The following ATXN7L1 variants were observed in gnomAD, a reference collection of about 807,000 sequenced individuals.
ATXN7L1 encodes the protein ataxin-7-like protein 1.
A neutral mutation model predicts 70.8 loss-of-function variants in ATXN7L1; 15 were observed. The observed-to-expected ratio is 0.21, with a 90% CI of 0.14 to 0.33. ATXN7L1 has a LOEUF of 0.33. Among genes scored for constraint, ATXN7L1 ranks in the 10% least tolerant of loss-of-function variants. The probability of loss-of-function intolerance (pLI) is 1.00; values close to 1 mark genes in which losing one functional copy is unlikely to be tolerated. For missense variants in ATXN7L1, 975 were observed against 1,097.1 expected, an observed-to-expected ratio of 0.89 and a Z score of 1.57; for synonymous variants, 440 against 445.1, an observed-to-expected ratio of 0.99 and a Z score of 0.14.
rs1333155478 is a variant in ATXN7L1 at position 105,810,629 on chromosome 7, T to C, written c.251-21921A>G. 3.3e-5 allele frequency among the ~76,000 whole-genome samples: 5 copies of C among 151,984 alleles called. No individual in the cohort carries two copies. In the East Asian group the frequency reaches 9.7e-4, roughly 29 times the overall value. ...ACAGAGGGAAGAGCTAGTGCAAAGG[T>C]CCAGAGAAGGGGAGAGCCTAGGACG... On this transcript the variant is annotated intron_variant, in intron 2 of 11. Transcript: ENST00000419735.
At chr7:105,791,029 C>A (rs1175969971) in intron 2 of ATXN7L1, among the ~76,000 whole-genome samples, 1 of 152,206 alleles carries the variant, frequency 6.6e-6, no homozygotes, top group Non-Finnish European at 1.5e-5. Flanking sequence ...AGGGAGGCCC[C>A]CAGGCTCTGT....
rs1490840587 is a variant in ATXN7L1 at position 105,614,232 on chromosome 7, T to G, written c.2102A>C (p.His701Pro). Reference protein sequence around the residue: ...AAPPYNSLSVHNSNNGVSPLS... With the variant: ...AAPPYNSLSVPNSNNGVSPLS... ...TGGGCTCACCCCATTGTTTGAGTTG[T>G]GCACAGACAGGCTGTTATAGGGAGG... The change falls in exon 10 of 12, where the codon CAC (histidine) becomes CCC (proline). Residue 701 changes from histidine (H) to proline (P), a missense_variant. This residue lies in a region of ATXN7L1 where 635 missense variants were observed against 699.4 expected (regional missense o/e 0.91). Coordinates refer to ENST00000419735, the MANE Select transcript of ATXN7L1 (RefSeq NM_020725.2). The surrounding 1 kb of genome is among the most constrained non-coding windows in gnomAD (Gnocchi z 4.3). 1 of 1,551,680 alleles carries G rather than the reference T, an allele frequency of 6.4e-7. No homozygotes were observed. The highest frequency in any genetic ancestry group is 1.4e-5 in the African/African-American group (1 of 73,140).
chr7:105,798,541 C>A (rs548566153), intron 2 of ATXN7L1, among the ~76,000 whole-genome samples: 4 of 152,348 alleles, frequency 2.6e-5, no homozygotes, highest in South Asian at 2.1e-4. Context: ...ACAGTGATGA[C>A]CTTGGTAGCC....
chr7:105,773,767 C>A (rs1802342283), intron 3 of ATXN7L1, among the ~76,000 whole-genome samples: 1 of 152,078 alleles, frequency 6.6e-6, no homozygotes, highest in African/African-American at 2.4e-5. Flanking sequence ...AAAAAAGAAA[C>A]CCCCTAACAA....
chr7:105,657,381 G>A (rs1330100382), intron 4 of ATXN7L1, among the ~76,000 whole-genome samples: 1 of 152,128 alleles, frequency 6.6e-6, no homozygotes, highest in Non-Finnish European at 1.5e-5. Context: ...AGATCCAGCA[G>A]CCACTAACCA....
At chr7:105,676,806 C>T (rs919397386) in intron 3 of ATXN7L1, among the ~76,000 whole-genome samples, 4 of 152,118 alleles carry the variant, frequency 2.6e-5, no homozygotes, top group African/African-American at 7.2e-5. Context: ...CGACACTGCA[C>T]TCCAGCCTGA....
In ATXN7L1 at chr7:105,778,525, A is replaced by C. The variant is rs73193816; in HGVS notation, c.355+10079T>G. Among the ~76,000 whole-genome samples the C allele has an allele frequency of 1.5e-4, 16 of 108,404 alleles. 1 individual carries two copies. The highest frequency in any genetic ancestry group is 2.8e-4 in the Admixed American group (3 of 10,882). 71.1% of individuals were successfully genotyped at this position (108,404 alleles called of 152,430 possible). On this transcript the variant is annotated intron_variant, in intron 3 of 11. Coordinates refer to ENST00000419735, the MANE Select transcript of ATXN7L1 (RefSeq NM_020725.2). Reference sequence around the variant, plus strand: ...GACCCTATCTCAAAAAAAAAAAAAAAAAAAAAAAAACAAAGACTAAATAAT... The same window carrying C: ...GACCCTATCTCAAAAAAAAAAAAAACAAAAAAAAAACAAAGACTAAATAAT...
In ATXN7L1 at chr7:105,624,094, T is replaced by C. The variant is rs1184346495; in HGVS notation, c.1376A>G (p.His459Arg). Reference protein sequence around the residue: ...SEKLDCQFSTHHPRPLAFCSF... With the variant: ...SEKLDCQFSTRHPRPLAFCSF... Reference sequence around the variant, plus strand: ...GCCTACCGCCAGAGGTCTGGGGTGGTGCGTGGAGAACTGACAGTCTAGCTT... The same window carrying C: ...GCCTACCGCCAGAGGTCTGGGGTGGCGCGTGGAGAACTGACAGTCTAGCTT... Residue 459 changes from histidine (H) to arginine (R), a missense_variant, in exon 8 of 12, where the codon CAC becomes CGC. Physicochemically the swap from His to Arg is conservative, Grantham distance 29 (BLOSUM62 0). Coordinates refer to ENST00000419735, the MANE Select transcript of ATXN7L1 (RefSeq NM_020725.2). 9.4e-6 allele frequency: 14 copies of C among 1,483,726 alleles called. No homozygotes were observed. The highest frequency in any genetic ancestry group is 1.2e-5 in the Non-Finnish European group (13 of 1,107,874). 91.9% of individuals were successfully genotyped at this position (1,483,726 alleles called of 1,614,324 possible). A position where few individuals can be genotyped will look rare whatever the true frequency, so the allele number is the denominator to read the frequency against.
At chr7:105,817,743 C>A (rs567427972) in intron 2 of ATXN7L1, among the ~76,000 whole-genome samples, 2 of 152,074 alleles carry the variant, frequency 1.3e-5, no homozygotes, top group Non-Finnish European at 2.9e-5. Context: ...ACAGCGAGAC[C>A]GCTATCTCTA....
At chr7:105,816,747 G>A (rs921568710) in intron 2 of ATXN7L1, among the ~76,000 whole-genome samples, 6 of 152,268 alleles carry the variant, frequency 3.9e-5, no homozygotes, top group Admixed American at 6.5e-5. Context: ...TGCAGGACAA[G>A]CCAAGAACTC....
chr7:105,704,696 C>T (rs750674652), intron 3 of ATXN7L1, among the ~76,000 whole-genome samples: 6 of 150,970 alleles, frequency 4.0e-5, no homozygotes, highest in Non-Finnish European at 8.8e-5. Flanking sequence ...TGCAACCTCC[C>T]GCCTCCTGGG....
chr7:105,839,486 T>C (rs1016643987), intron 2 of ATXN7L1, among the ~76,000 whole-genome samples: 5 of 152,178 alleles, frequency 3.3e-5, no homozygotes, highest in Non-Finnish European at 4.4e-5. Context: ...CATATGAGCC[T>C]GTTTGGCCAT....
intron 4 of ATXN7L1, among the ~76,000 whole-genome samples, chr7:105,649,905 T>G (rs1216721990): frequency 6.6e-6 from 1 of 152,226 alleles, no homozygotes; most frequent in Non-Finnish European, 1.5e-5. Context: ...GTGCTTATGC[T>G]GCTGGCCTGG....
At chr7:105,744,736 T>C (rs1305303759) in intron 3 of ATXN7L1, among the ~76,000 whole-genome samples, 1 of 26,502 alleles carries the variant, frequency 3.8e-5, no homozygotes, top group African/African-American at 2.4e-4. Context: ...CTTTCTTTAC[T>C]TTTTTTTTTT....
intron 3 of ATXN7L1, among the ~76,000 whole-genome samples, chr7:105,711,003 C>T (rs1446334935): frequency 1.3e-5 from 2 of 152,136 alleles, no homozygotes; most frequent in East Asian, 3.8e-4. Context: ...CATATAAAAC[C>T]ATCAGATCTC....
intron 2 of ATXN7L1, among the ~76,000 whole-genome samples, chr7:105,840,469 G>A (rs1048708117): frequency 1.3e-5 from 2 of 152,172 alleles, no homozygotes; most frequent in African/African-American, 2.4e-5. Context: ...CGCCTTGAAT[G>A]TGTCTGAGTC....
chr7:105,670,680 T>C (rs1040546908), intron 3 of ATXN7L1, among the ~76,000 whole-genome samples: 1 of 151,890 alleles, frequency 6.6e-6, no homozygotes, highest in Non-Finnish European at 1.5e-5. Flanking sequence ...AAAAACTGAT[T>C]TGGCCGGGCG....
Position 105,614,499 on chromosome 7 carries a change from G to C in ATXN7L1, c.1835C>G (p.Pro612Arg). The change falls in exon 10 of 12, where the codon CCT (proline) becomes CGT (arginine). Residue 612 changes from proline to arginine, a missense_variant. Physicochemically the swap from Pro to Arg is moderately radical, Grantham distance 103. Transcript: ENST00000419735. This position sits in a 1 kb window ranked among gnomAD's most constrained non-coding sequence, Gnocchi z 4.3. ...TTTGGATGGCTTGTGGGATGGGGAAGGGATGACGGCTGGTATCGGGGACAC... is the reference window on the plus strand; with the variant it reads ...TTTGGATGGCTTGTGGGATGGGGAACGGATGACGGCTGGTATCGGGGACAC... Reference protein sequence around the residue: ...SAVSPIPAVIPSPSHKPSKTK... With the variant: ...SAVSPIPAVIRSPSHKPSKTK... The C allele has an allele frequency of 1.3e-6, 2 of 1,533,932 alleles. No individual in the cohort carries two copies. The highest frequency in any genetic ancestry group is 1.8e-6 in the Non-Finnish European group (2 of 1,136,920).
chr7:105,852,315 A>G (rs757920329), intron 2 of ATXN7L1, among the ~76,000 whole-genome samples: 2 of 152,200 alleles, frequency 1.3e-5, no homozygotes, highest in East Asian at 1.9e-4. Flanking sequence ...GGGAGACCCA[A>G]TCCCAGGAAT....
Sources: gnomAD v4.1 joint callset for allele counts (sites outside exome capture counted in the v4.1 genomes callset) on GRCh38, gnomAD v4.1.1 for gene constraint, gnomAD v4.1.1 regional missense constraint, Gnocchi (gnomAD v3.1) non-coding constraint, MANE v1.5 for transcripts, NCBI Gene and HGNC (gene_info 2026-07-23, HGNC 2026-07-21) for gene names.